Variants in CACNA1C observed in about 807,000 individuals in gnomAD.
The protein encoded by CACNA1C is calcium voltage-gated channel subunit alpha1 C.
Under a neutral mutation model 229.0 loss-of-function variants are expected in CACNA1C, and 30 were observed. The observed-to-expected ratio is 0.13, with a 90% CI of 0.10 to 0.18. The LOEUF (loss-of-function observed/expected upper bound fraction) is 0.18, where lower values mean the gene tolerates loss of function less well. Among genes scored for constraint, CACNA1C ranks in the 10% least tolerant of loss-of-function variants. The probability of loss-of-function intolerance (pLI) is 1.00; values close to 1 mark genes in which losing one functional copy is unlikely to be tolerated. For synonymous variants in CACNA1C, 1,114 were observed against 1,132.5 expected (o/e 0.98, Z 0.33); for missense variants, 1,658 against 2,845.0 (o/e 0.58, Z 9.49).
chr12:2,574,904 G>A (rs185720077), intron 13 of CACNA1C, among the ~76,000 whole-genome samples: 13 of 152,328 alleles, frequency 8.5e-5, no homozygotes, highest in African/African-American at 2.9e-4. Flanking sequence ...CTTTGGTATG[G>A]GAATGGACTG....
intron 3 of CACNA1C, among the ~76,000 whole-genome samples, chr12:2,392,282 C>G (rs999761020): frequency 1.3e-5 from 2 of 152,238 alleles, no homozygotes; most frequent in Non-Finnish European, 2.9e-5. Context: ...CTGCTACCAT[C>G]ATAACCACTT....
At chr12:2,022,482 A>C (rs1269926048) in intron 1 of CACNA1C, among the ~76,000 whole-genome samples, 2 of 114,274 alleles carry the variant, frequency 1.8e-5, no homozygotes, top group Non-Finnish European at 3.5e-5. Flanking sequence ...TTTTTTTTTG[A>C]GACAGAGTCT....
intron 3 of CACNA1C, among the ~76,000 whole-genome samples, chr12:2,399,035 T>TCCC (rs1282837560): frequency 6.6e-6 from 1 of 151,630 alleles, no homozygotes; most frequent in East Asian, 1.9e-4. Context: ...CCTTAACACC[T>TCCC]CCCCCCGGGG....
At chr12:2,006,914 C>A (rs2043570086) in intron 1 of CACNA1C, among the ~76,000 whole-genome samples, 1 of 152,216 alleles carries the variant, frequency 6.6e-6, no homozygotes. Context: ...GGTTTCATGA[C>A]CAACTAATGG....
At chr12:2,638,276 T>G (rs769029075) in intron 30 of CACNA1C, among the ~76,000 whole-genome samples, 1 of 152,202 alleles carries the variant, frequency 6.6e-6, no homozygotes, top group African/African-American at 2.4e-5. Context: ...TTAAATAAGA[T>G]GGGCTTCCTT....
intron 3 of CACNA1C, among the ~76,000 whole-genome samples, chr12:2,198,601 A>G (rs572612230): frequency 6.6e-6 from 1 of 152,274 alleles, no homozygotes; most frequent in Admixed American, 6.5e-5. Flanking sequence ...GAAAAGGCAA[A>G]TTTATACAAT....
intron 3 of CACNA1C, among the ~76,000 whole-genome samples, chr12:2,214,906 C>T (rs901189842): frequency 2.0e-5 from 3 of 151,928 alleles, no homozygotes; most frequent in Non-Finnish European, 4.4e-5. Flanking sequence ...GTCTCATCCC[C>T]GCCAAAAGAG....
rs1358022379 is a variant in CACNA1C, at chr12:2,551,642, T to G, written c.1481+1609T>G. On this transcript the variant is annotated intron_variant, in intron 10 of 46. Transcript: ENST00000399655. ...GTGTGATGGTCTGAGGGGAAGTGAG[T>G]GACCGGGATCTTTAAAGCTAAGGGT... 2.6e-5 allele frequency among the ~76,000 whole-genome samples: 4 copies of G among 151,744 alleles called. No individual in the cohort carries two copies. In the East Asian group the frequency reaches 7.8e-4, roughly 29 times the overall value.
chr12:2,240,110 T>C (rs1192914495), intron 3 of CACNA1C, among the ~76,000 whole-genome samples: 2 of 152,246 alleles, frequency 1.3e-5, no homozygotes, highest in Non-Finnish European at 2.9e-5. Flanking sequence ...GAAGAATCAA[T>C]GCTAATTGGA....
In CACNA1C at chr12:2,029,846, G is replaced by A. The variant is rs187712350; in HGVS notation, c.139+58645G>A. Among the ~76,000 whole-genome samples, 3 of 152,216 alleles carry A rather than the reference G, an allele frequency of 2.0e-5. No homozygotes were observed. The highest frequency in any genetic ancestry group is 7.2e-5 in the African/African-American group (3 of 41,456). ...AGTCTAGCTGCTGCTATGCTGGTGG[G>A]ACCTGCTCTGTTAGGTTCCCTGCCT... is the stretch of plus-strand genomic sequence containing the variant. On this transcript the variant is annotated intron_variant, in intron 1 of 46. Transcript: ENST00000682462. This position sits in a 1 kb window ranked among gnomAD's most constrained non-coding sequence, Gnocchi z 4.9.
At chr12:2,335,170 G>A (rs1270172549) in intron 3 of CACNA1C, among the ~76,000 whole-genome samples, 1 of 152,066 alleles carries the variant, frequency 6.6e-6, no homozygotes, top group Non-Finnish European at 1.5e-5. Flanking sequence ...GTGATCCCCT[G>A]TCTTCCCCCT....
At chr12:2,339,647 A>G (rs1463726110) in intron 3 of CACNA1C, among the ~76,000 whole-genome samples, 1 of 152,020 alleles carries the variant, frequency 6.6e-6, no homozygotes, top group East Asian at 1.9e-4. Flanking sequence ...TGCTTTGTAA[A>G]TTTTTTGTTA....
intron 1 of CACNA1C, among the ~76,000 whole-genome samples, chr12:1,984,000 A>G (rs1489700807): frequency 6.6e-6 from 1 of 151,802 alleles, no homozygotes; most frequent in Non-Finnish European, 1.5e-5. Flanking sequence ...ATCCCTGGTA[A>G]TTTTCATTGT....
chr12:2,559,907 A>C (rs2046548036), intron 11 of CACNA1C, among the ~76,000 whole-genome samples: 1 of 152,226 alleles, frequency 6.6e-6, no homozygotes, highest in Non-Finnish European at 1.5e-5. Flanking sequence ...AAGAAACAGG[A>C]AATTTCTTTG....
intron 3 of CACNA1C, among the ~76,000 whole-genome samples, chr12:2,260,828 C>T (rs1319908472): frequency 6.6e-6 from 1 of 152,172 alleles, no homozygotes; most frequent in Non-Finnish European, 1.5e-5. Flanking sequence ...TTTTTGGTCT[C>T]AGGACTCCTT....
chr12:2,239,657 C>G (rs1221468597), intron 3 of CACNA1C, among the ~76,000 whole-genome samples: 1 of 152,164 alleles, frequency 6.6e-6, no homozygotes, highest in Non-Finnish European at 1.5e-5. Context: ...CCACCCCTGC[C>G]TGGTTTCCAA....
chr12:2,084,089 A>C (rs2066669111), intron 1 of CACNA1C, among the ~76,000 whole-genome samples: 1 of 152,226 alleles, frequency 6.6e-6, no homozygotes, highest in Non-Finnish European at 1.5e-5. Context: ...CTTTTGTGTG[A>C]TGATGGTGAT....
chr12:2,294,082 G>T (rs2093776640), intron 3 of CACNA1C, among the ~76,000 whole-genome samples: 1 of 152,210 alleles, frequency 6.6e-6, no homozygotes, highest in African/African-American at 2.4e-5. Flanking sequence ...GACATGAGGG[G>T]TGTTTACCAT....
Position 2,354,444 on chromosome 12 carries a change from G to T in CACNA1C, c.478-94532G>T, listed in dbSNP as rs2097296494. Among the ~76,000 whole-genome samples, 1 of 152,224 alleles carries T rather than the reference G, an allele frequency of 6.6e-6. No homozygotes were observed. Among genetic ancestry groups the T allele is most frequent in the Admixed American group, 6.5e-5 (1 of 15,286 alleles). ...AGCCAGGGCTGCAGCTATGACTGCA[G>T]CCTGTAGGGAAACGCCGGGAGGAAC... On this transcript the variant is annotated intron_variant, in intron 3 of 46. Coordinates refer to ENST00000399655, the MANE Select transcript of CACNA1C (RefSeq NM_000719.7). The surrounding 1 kb of genome is among the most constrained non-coding windows in gnomAD (Gnocchi z 4.6).
Sources: gnomAD v4.1 joint callset for allele counts (sites outside exome capture counted in the v4.1 genomes callset) on GRCh38, gnomAD v4.1.1 for gene constraint, Gnocchi (gnomAD v3.1) non-coding constraint, MANE v1.5 for transcripts, NCBI Gene and HGNC (gene_info 2026-07-23, HGNC 2026-07-21) for gene names.